ZRANB2: variants seen among roughly 807,000 people sequenced by gnomAD.
The protein encoded by ZRANB2 is zinc finger Ran-binding domain-containing protein 2.
Under a neutral mutation model 53.4 loss-of-function variants are expected in ZRANB2, and 19 were observed. That is an observed-to-expected ratio of 0.36 (90% CI 0.25 to 0.52). ZRANB2 has a LOEUF of 0.52. ZRANB2 is among the 20% of genes least tolerant of loss of function. The probability of loss-of-function intolerance (pLI) is 0.93; values close to 1 mark genes in which losing one functional copy is unlikely to be tolerated. For missense variants in ZRANB2, 309 were observed against 401.1 expected, an observed-to-expected ratio of 0.77 and a Z score of 1.96; for synonymous variants, 145 against 134.8, an observed-to-expected ratio of 1.08 and a Z score of -0.52.
In ZRANB2 at chr1:71,064,989, C is replaced by G; in HGVS notation, c.*85G>C. ...TGCACCTCTACTAGCAGATTTAGCA[C>G]TTCTGACCAAGTAAGACACCAACTT... On this transcript the variant is annotated 3_prime_UTR_variant, in exon 10 of 10. Transcript: ENST00000370920. The G allele has an allele frequency of 1.1e-6, 1 of 937,924 alleles. No homozygotes were observed. Among genetic ancestry groups the G allele is most frequent in the South Asian group, 1.6e-5 (1 of 61,528 alleles). The allele number at this position is 937,924 out of a possible 1,614,324, so 58.1% of individuals were successfully genotyped here.
chr1:71,072,133 A>G lies in ZRANB2; in HGVS notation c.501T>C (p.Tyr167=), dbSNP rs2101046866. ...GAAAATTGTTCACCTCATCTAACTTATATTTAGAAAGATCTTCATCCTCAT... is the reference window on the plus strand; with the variant it reads ...GAAAATTGTTCACCTCATCTAACTTGTATTTAGAAAGATCTTCATCCTCAT... ...EEDEDEDLSK[Y]KLDEDEDEDD... The change falls in exon 6 of 10, where the codon TAT becomes TAC. Residue 167 remains tyrosine, a synonymous_variant. Transcript: ENST00000370920. 4 of 1,608,450 alleles carry G rather than the reference A, an allele frequency of 2.5e-6. No homozygotes were observed. Among genetic ancestry groups the G allele is most frequent in the Non-Finnish European group, 2.5e-6 (3 of 1,178,296 alleles).
chr1:71,066,579 G>T (rs986071327), intron 9 of ZRANB2, 197 bp downstream of exon 9: 13 of 432,218 alleles, frequency 3.0e-5, no homozygotes, highest in African/African-American at 2.7e-4. Context: ...ATCAAAGAAT[G>T]GTTTGATCTA....
chr1:71,080,617 A>G (rs764308034), intron 1 of ZRANB2, among the ~76,000 whole-genome samples: 15 of 119,180 alleles, frequency 1.3e-4, no homozygotes, highest in Non-Finnish European at 1.6e-4. Context: ...GCCTGACTGG[A>G]GAGGTTTCCT....
chr1:71,066,705 A>G, intron 9 of ZRANB2, 71 bp downstream of exon 9: 3 of 1,497,640 alleles, frequency 2.0e-6, no homozygotes, highest in South Asian at 2.7e-5. Context: ...CTAACCCTTG[A>G]CTAGGAAAGT....
intron 7 of ZRANB2, 79 bp downstream of exon 7, chr1:71,070,748 A>C (rs1033048356): frequency 1.1e-6 from 1 of 928,612 alleles, no homozygotes; most frequent in African/African-American, 1.7e-5. Context: ...TTATTTCGTC[A>C]AGAAAAACAA....
At chr1:71,065,961 C>T (rs1661421964) in intron 9 of ZRANB2, 2 of 564,838 alleles carry the variant, frequency 3.5e-6, no homozygotes, top group Non-Finnish European at 5.9e-6. Flanking sequence ...TGTGAAGAAG[C>T]AAAACTAATC....
chr1:71,067,615 T>G, intron 8 of ZRANB2: 1 of 429,150 alleles, frequency 2.3e-6, no homozygotes. Flanking sequence ...CTTGTATATT[T>G]TGGTTGAAGG....
chr1:71,070,667 T>A (rs1339211439), intron 7 of ZRANB2, among the ~76,000 whole-genome samples, 160 bp downstream of exon 7: 1 of 152,200 alleles, frequency 6.6e-6, no homozygotes, highest in Non-Finnish European at 1.5e-5. Flanking sequence ...GGACAACAAC[T>A]GTATGGTACT....
chr1:71,072,066 G>T lies in ZRANB2; in HGVS notation c.513+55C>A, dbSNP rs74090250. The stretch of plus-strand genomic sequence containing the variant: ...GTCTGAGGCTGTCAAAAGCATTCAT[G>T]TTATGGTATAACTCCAATAAGACAA... On this transcript the variant is annotated intron_variant, in intron 6 of 9. Coordinates refer to ENST00000370920, the MANE Select transcript of ZRANB2 (RefSeq NM_203350.3). 3,247 of 1,571,174 alleles carry T rather than the reference G, an allele frequency of 2.1e-3. 70 individuals are homozygous for T. The African/African-American group carries it at 0.04, about 19-fold the overall frequency.
chr1:71,070,421 T>C (rs1015233736), intron 7 of ZRANB2, among the ~76,000 whole-genome samples: 3 of 152,152 alleles, frequency 2.0e-5, no homozygotes, highest in African/African-American at 7.2e-5. Context: ...AAAAACATTA[T>C]GTAATAAGCA....
At chr1:71,080,919 C>T (rs369737628) in intron 1 of ZRANB2, 21 bp downstream of exon 1, 260 of 1,613,860 alleles carry the variant, frequency 1.6e-4, no homozygotes, top group Non-Finnish European at 2.1e-4. Flanking sequence ...CGTCCCAATT[C>T]AGGACCCTTC....
intron 1 of ZRANB2, 112 bp from the exon 2 acceptor site, chr1:71,078,820 G>A (rs1223815654): frequency 2.2e-6 from 2 of 905,598 alleles, no homozygotes; most frequent in African/African-American, 3.4e-5. Context: ...TCTTAGTCAT[G>A]TTAATGTCAA....
intron 8 of ZRANB2, among the ~76,000 whole-genome samples, chr1:71,068,622 T>C (rs1557790690): frequency 6.6e-6 from 1 of 152,110 alleles, no homozygotes; most frequent in Non-Finnish European, 1.5e-5. Context: ...AAAATGTATA[T>C]ACAGTACTCT....
At chr1:71,071,225 T>C (rs571044615) in intron 6 of ZRANB2, among the ~76,000 whole-genome samples, 1 of 152,214 alleles carries the variant, frequency 6.6e-6, no homozygotes, top group East Asian at 1.9e-4. Context: ...ACACTTTTTC[T>C]GTCACACTTA....
chr1:71,071,729 C>T (rs1326713088), intron 6 of ZRANB2, among the ~76,000 whole-genome samples: 1 of 152,140 alleles, frequency 6.6e-6, no homozygotes, highest in Non-Finnish European at 1.5e-5. Context: ...CTCACCTCGG[C>T]TCTTATTGCT....
At chr1:71,079,291 A>G (rs1661781242) in intron 1 of ZRANB2, among the ~76,000 whole-genome samples, 1 of 152,174 alleles carries the variant, frequency 6.6e-6, no homozygotes, top group African/African-American at 2.4e-5. Flanking sequence ...AAAAAATGAC[A>G]CAACCACCAA....
chr1:71,071,977 GC>G, intron 6 of ZRANB2, 143 bp downstream of exon 6: 1 of 1,195,966 alleles, frequency 8.4e-7, no homozygotes, highest in Non-Finnish European at 1.2e-6. Context: ...ATAGTACTTG[GC>G]AGAGTGGAAA....
intron 9 of ZRANB2, chr1:71,065,769 C>T (rs753740436): frequency 6.2e-7 from 1 of 1,611,870 alleles, no homozygotes; most frequent in South Asian, 1.1e-5. Context: ...GAATAGAGAA[C>T]ATGTTCATTA....
intron 4 of ZRANB2, among the ~76,000 whole-genome samples, chr1:71,073,509 C>T (rs1661637938): frequency 1.3e-5 from 2 of 151,616 alleles, no homozygotes; most frequent in South Asian, 4.2e-4. Context: ...ATTTGCCTAT[C>T]ATATTTAAAA....
Sources: gnomAD v4.1 joint callset for allele counts (sites outside exome capture counted in the v4.1 genomes callset) on GRCh38, gnomAD v4.1.1 for gene constraint, MANE v1.5 for transcripts, NCBI Gene and HGNC (gene_info 2026-07-23, HGNC 2026-07-21) for gene names.